Variants in ARHGAP10 observed in about 807,000 individuals in gnomAD.
The protein encoded by ARHGAP10 is rho GTPase-activating protein 10.
In ARHGAP10, 87 loss-of-function variants were observed where a neutral mutation model predicts 108.6. The ratio of observed to expected loss-of-function variants is 0.80; its 90% confidence interval spans 0.67 to 0.96. The LOEUF is 0.96. Ranked by LOEUF, ARHGAP10 falls within the 40% of genes least tolerant of loss-of-function variation. The probability of loss-of-function intolerance (pLI) is 0.00; values close to 1 mark genes in which losing one functional copy is unlikely to be tolerated. For missense variants in ARHGAP10, 939 were observed against 954.5 expected (o/e 0.98, Z 0.21); for synonymous variants, 347 against 341.1 (o/e 1.02, Z -0.19).
chr4:147,742,152 C>T (rs1474327549), intron 1 of ARHGAP10, among the ~76,000 whole-genome samples: 1 of 151,048 alleles, frequency 6.6e-6, no homozygotes, highest in African/African-American at 2.4e-5. Context: ...GTGGAATGGT[C>T]TCTTAAAAAA....
intron 1 of ARHGAP10, among the ~76,000 whole-genome samples, chr4:147,787,064 C>T (rs1008899283): frequency 1.3e-5 from 2 of 152,108 alleles, no homozygotes; most frequent in African/African-American, 4.8e-5. Flanking sequence ...AGTGCTCGGC[C>T]TGTGTGCTGA....
At chr4:147,841,563 T>G in intron 3 of ARHGAP10, among the ~76,000 whole-genome samples, 1 of 152,154 alleles carries the variant, frequency 6.6e-6, no homozygotes, top group Non-Finnish European at 1.5e-5. Context: ...TCAGTAACAC[T>G]TACTACTAAC....
chr4:147,799,826 T>C (rs1357970905), intron 1 of ARHGAP10, among the ~76,000 whole-genome samples: 1 of 152,226 alleles, frequency 6.6e-6, no homozygotes, highest in Non-Finnish European at 1.5e-5. Context: ...TTGGCTAAAA[T>C]GGGAATTTGA....
intron 13 of ARHGAP10, among the ~76,000 whole-genome samples, chr4:147,938,042 G>A (rs1383448117): frequency 2.0e-5 from 3 of 152,202 alleles, no homozygotes; most frequent in Admixed American, 2.0e-4. Flanking sequence ...AAAAAGGAAC[G>A]AGGATCATGT....
chr4:147,970,447 AG>A (rs372708860), intron 18 of ARHGAP10, among the ~76,000 whole-genome samples: 110 of 152,276 alleles, frequency 7.2e-4, no homozygotes, highest in African/African-American at 2.6e-3. Flanking sequence ...GGTGCAAAAA[AG>A]GAAGGTTAAA....
At chr4:147,879,878 T>G (rs976070751) in intron 9 of ARHGAP10, among the ~76,000 whole-genome samples, 1 of 152,234 alleles carries the variant, frequency 6.6e-6, no homozygotes, top group Non-Finnish European at 1.5e-5. Flanking sequence ...GACAGCAAGC[T>G]TTCATGACTC....
rs1739155475 is a variant in ARHGAP10 at position 147,965,072 on chromosome 4, A to G, written c.1499A>G (p.His500Arg). ...GTTAATGCGATCCATTTCTTGGTACACAAACTGCCAGAGAAGAATAAAGAG... is the reference window on the plus strand; with the variant it reads ...GTTAATGCGATCCATTTCTTGGTACGCAAACTGCCAGAGAAGAATAAAGAG... ...SRVNAIHFLV[H>R]KLPEKNKEML... Residue 500 changes from histidine to arginine, a missense_variant, in exon 17 of 23, where the codon CAC (histidine) becomes CGC (arginine). Physicochemically the swap from His to Arg is conservative, Grantham distance 29. Coordinates refer to ENST00000336498, the MANE Select transcript of ARHGAP10 (RefSeq NM_024605.4). The G allele has an allele frequency of 1.2e-6, 2 of 1,607,826 alleles. No individual in the cohort carries two copies. The highest frequency in any genetic ancestry group is 1.7e-6 in the Non-Finnish European group (2 of 1,176,908).
intron 15 of ARHGAP10, among the ~76,000 whole-genome samples, chr4:147,947,287 G>T (rs547002187): frequency 1.9e-4 from 27 of 143,464 alleles, no homozygotes; most frequent in African/African-American, 5.9e-4. Flanking sequence ...GTTAGATGAA[G>T]AACAAGTATA....
chr4:147,976,312 T>C (rs1390221973), intron 18 of ARHGAP10, among the ~76,000 whole-genome samples: 2 of 152,228 alleles, frequency 1.3e-5, no homozygotes, highest in Non-Finnish European at 2.9e-5. Context: ...CTAGTTTTTA[T>C]GTGAGAGAAA....
chr4:147,799,091 T>C (rs945241565), intron 1 of ARHGAP10, among the ~76,000 whole-genome samples: 1 of 151,660 alleles, frequency 6.6e-6, no homozygotes, highest in African/African-American at 2.4e-5. Flanking sequence ...CTGGAATGCA[T>C]TGGTGTGATG....
intron 10 of ARHGAP10, among the ~76,000 whole-genome samples, chr4:147,885,095 C>T (rs1735490179): frequency 6.6e-6 from 1 of 151,444 alleles, no homozygotes; most frequent in African/African-American, 2.4e-5. Flanking sequence ...GGGAAGGTTT[C>T]TGGCTTGAGT....
At chr4:147,757,841 C>G (rs17023757) in intron 1 of ARHGAP10, among the ~76,000 whole-genome samples, 6,926 of 152,210 alleles carry the variant, frequency 0.046, 470 homozygotes, top group African/African-American at 0.15. Context: ...CTGTCTGTTC[C>G]CTTCCCTGGG....
chr4:147,927,943 G>A (rs981236476), intron 13 of ARHGAP10, among the ~76,000 whole-genome samples: 33 of 152,178 alleles, frequency 2.2e-4, no homozygotes, highest in African/African-American at 7.7e-4. Context: ...TTACTCCGTC[G>A]CTTTCCTCTA....
At position 147,870,001 on chromosome 4, in the gene ARHGAP10, TGTGTGTGTGTGTGTG is replaced by T. The variant is rs1734744110; in HGVS notation, c.702+3186_702+3200del. Among the ~76,000 whole-genome samples, 8 of 144,506 alleles carry T rather than the reference TGTGTGTGTGTGTGTG, an allele frequency of 5.5e-5. 1 individual carries two copies. Among genetic ancestry groups the T allele is most frequent in the South Asian group, 4.5e-4 (2 of 4,442 alleles). The allele number at this position is 144,506 out of a possible 152,430, so 94.8% of individuals were successfully genotyped here. On this transcript the variant is annotated intron_variant, in intron 7 of 22. Coordinates refer to ENST00000336498, the MANE Select transcript of ARHGAP10 (RefSeq NM_024605.4). The stretch of plus-strand genomic sequence containing the variant: ...TATTGTTGAAAAAAGTCCCAGTTTG[TGTGTGTGTGTGTGTG>T]TGTGTGTGTGTGTGTGTGTGTGTGT...
intron 14 of ARHGAP10, among the ~76,000 whole-genome samples, chr4:147,940,376 A>G (rs1327744011): frequency 6.6e-6 from 1 of 152,204 alleles, no homozygotes; most frequent in Non-Finnish European, 1.5e-5. Flanking sequence ...CTCCAGAACC[A>G]TGCATGCTCC....
intron 10 of ARHGAP10, among the ~76,000 whole-genome samples, chr4:147,895,395 G>C (rs1735951214): frequency 6.6e-6 from 1 of 151,796 alleles, no homozygotes; most frequent in Admixed American, 6.6e-5. Flanking sequence ...CTTAGGGCCA[G>C]GCATGGTGGT....
chr4:147,779,891 A>G (rs1328663310), intron 1 of ARHGAP10, among the ~76,000 whole-genome samples: 1 of 152,174 alleles, frequency 6.6e-6, no homozygotes. Flanking sequence ...TTAAAAATGC[A>G]CTAAGCCATT....
At chr4:147,824,466 G>A (rs1732625695) in intron 3 of ARHGAP10, among the ~76,000 whole-genome samples, 1 of 152,200 alleles carries the variant, frequency 6.6e-6, no homozygotes, top group South Asian at 2.1e-4. Flanking sequence ...TACCTTGACT[G>A]TGTGCCAGTG....
chr4:147,901,664 G>A (rs1024456634), intron 10 of ARHGAP10, among the ~76,000 whole-genome samples: 16 of 152,140 alleles, frequency 1.1e-4, no homozygotes, highest in African/African-American at 3.6e-4. Flanking sequence ...GAAATAATAT[G>A]GCTGTTTAAT....
Sources: allele counts gnomAD v4.1 joint callset (sites outside exome capture counted in the v4.1 genomes callset), GRCh38; gene constraint gnomAD v4.1.1; transcripts MANE v1.5; gene names NCBI Gene and HGNC (gene_info 2026-07-23, HGNC 2026-07-21).